RFX2: variants seen among roughly 807,000 people sequenced by gnomAD.
RFX2 encodes DNA-binding protein RFX2.
Under a neutral mutation model 87.8 loss-of-function variants are expected in RFX2, and 20 were observed. That is an observed-to-expected ratio of 0.23 (90% CI 0.16 to 0.33). RFX2 has a LOEUF of 0.33. Among genes scored for constraint, RFX2 ranks in the 10% least tolerant of loss-of-function variants. The pLI, the probability that RFX2 is intolerant of heterozygous loss-of-function variation, is 1.00. For synonymous variants in RFX2, 397 were observed against 431.3 expected, an observed-to-expected ratio of 0.92 and a Z score of 0.98; for missense variants, 767 against 1,012.3, an observed-to-expected ratio of 0.76 and a Z score of 3.29.
rs924711261 is a variant in RFX2, at chr19:5,994,060, T to G, written c.*775A>C. ...CTGCTGATAAAACTTCTGGTTTTGATTTTTTGAAAGACACTGCTGTGTCCT... is the reference window on the plus strand; with the variant it reads ...CTGCTGATAAAACTTCTGGTTTTGAGTTTTTGAAAGACACTGCTGTGTCCT... On this transcript the variant is annotated 3_prime_UTR_variant, in exon 18 of 18. Transcript: ENST00000303657. 2.0e-5 allele frequency: 3 copies of G among 152,262 alleles called. No homozygotes were observed. Among genetic ancestry groups the G allele is most frequent in the African/African-American group, 7.2e-5 (3 of 41,456 alleles). The allele number at this position is 152,262 out of a possible 1,614,324, so 9.4% of individuals were successfully genotyped here.
In RFX2 at chr19:6,080,730, T is replaced by A. The variant is rs151183552; in HGVS notation, c.-9+29663A>T. On this transcript the variant is annotated intron_variant, in intron 1 of 17. Transcript: ENST00000303657. ...CAGAGGCCCTGGACAAGGTCAGATG[T>A]CTGGAGTTTTAAAATTCCAATTGCT... Among the ~76,000 whole-genome samples the A allele has an allele frequency of 6.6e-5, 10 of 152,260 alleles. No individual in the cohort carries two copies. In the East Asian group the frequency reaches 1.7e-3, roughly 26 times the overall value.
intron 1 of RFX2, among the ~76,000 whole-genome samples, chr19:6,059,997 C>G (rs911677195): frequency 1.3e-5 from 2 of 152,166 alleles, no homozygotes; most frequent in Non-Finnish European, 2.9e-5. Context: ...CACACACATG[C>G]CTTTGGGAGA....
In RFX2 at chr19:6,010,210, C is replaced by A. The variant is rs1055802802; in HGVS notation, c.941G>T (p.Gly314Val). Residue 314 changes from glycine (G) to valine (V), a missense_variant, in exon 9 of 18, where the codon GGC becomes GTC. Physicochemically the swap from Gly to Val is moderately radical, Grantham distance 109 (BLOSUM62 -3). Coordinates refer to ENST00000303657, the MANE Select transcript of RFX2 (RefSeq NM_000635.4). This position sits in a 1 kb window ranked among gnomAD's most constrained non-coding sequence, Gnocchi z 5.0. Reference sequence around the variant, plus strand: ...AGTGCTGTGCAGGCCGCTGTGGGAGCCGCTGTCCCCGAGGCTGTCCGTCTT... The same window carrying A: ...AGTGCTGTGCAGGCCGCTGTGGGAGACGCTGTCCCCGAGGCTGTCCGTCTT... ...AQKTDSLGDS[G>V]SHSGLHSTPE... is the part of the protein sequence containing the mutation. 2.6e-6 allele frequency: 4 copies of A among 1,548,238 alleles called. No homozygotes were observed. Among genetic ancestry groups the A allele is most frequent in the Non-Finnish European group, 3.5e-6 (4 of 1,146,964 alleles).
chr19:6,079,524 G>C (rs2087745947), intron 1 of RFX2, among the ~76,000 whole-genome samples: 1 of 152,152 alleles, frequency 6.6e-6, no homozygotes. Flanking sequence ...GCTAAGAATG[G>C]GGCCAGGGTC....
intron 1 of RFX2, chr19:6,109,505 CA>C (rs1370921191): frequency 1.3e-5 from 2 of 152,284 alleles, no homozygotes; most frequent in African/African-American, 4.8e-5. Context: ...AAAAAGGTTC[CA>C]GGGGTGCCCC....
At chr19:6,099,564 G>T (rs922433794) in intron 1 of RFX2, among the ~76,000 whole-genome samples, 1 of 151,728 alleles carries the variant, frequency 6.6e-6, no homozygotes, top group African/African-American at 2.4e-5. Flanking sequence ...TGTAGGCCTT[G>T]CCGTCCTGAA....
In RFX2 at chr19:6,002,777, A is replaced by T. The variant is rs2086509890; in HGVS notation, c.1594T>A (p.Ser532Thr). The change falls in exon 14 of 18, where the codon TCC (serine) becomes ACC (threonine). Residue 532 changes from serine (S) to threonine (T), a missense_variant. Ser to Thr is a moderately conservative substitution (Grantham distance 58, BLOSUM62 1). Transcript: ENST00000303657. This position sits in a 1 kb window ranked among gnomAD's most constrained non-coding sequence, Gnocchi z 6.7. ...QAARAVLQNTSQINQMLSDLN... is the reference protein window; with the variant it reads ...QAARAVLQNTTQINQMLSDLN... Reference sequence around the variant, plus strand: ...TCGCTGAGCATCTGGTTGATCTGGGACGTGTTCTGCAGCACCGCCCGGGCC... The same window carrying T: ...TCGCTGAGCATCTGGTTGATCTGGGTCGTGTTCTGCAGCACCGCCCGGGCC... The T allele has an allele frequency of 2.5e-6, 4 of 1,613,860 alleles. No homozygotes were observed. The highest frequency in any genetic ancestry group is 3.4e-6 in the Non-Finnish European group (4 of 1,179,920).
chr19:6,006,686 A>G (rs1431785112), intron 12 of RFX2, among the ~76,000 whole-genome samples: 2 of 151,352 alleles, frequency 1.3e-5, no homozygotes. Flanking sequence ...CTGACCTCAA[A>G]TGATCTGCCC....
At chr19:6,080,095 GCA>G (rs1174949304) in intron 1 of RFX2, among the ~76,000 whole-genome samples, 1 of 151,946 alleles carries the variant, frequency 6.6e-6, no homozygotes, top group East Asian at 1.9e-4. Context: ...GCTGGAGAGT[GCA>G]GTGGCAAGAT....
At position 6,004,658 on chromosome 19, in the gene RFX2, A is replaced by C. The variant is rs1306680474; in HGVS notation, c.1403-360T>G. On this transcript the variant is annotated intron_variant, in intron 12 of 17. Transcript: ENST00000303657. The surrounding 1 kb of genome is among the most constrained non-coding windows in gnomAD (Gnocchi z 4.8). ...ACAGTGCCCAGGAGGGCCCCACCCC[A>C]GACAACGATCCAGCCCCAGATATCA... Among the ~76,000 whole-genome samples the C allele has an allele frequency of 6.6e-6, 1 of 152,182 alleles. No homozygotes were observed. Among genetic ancestry groups the C allele is most frequent in the African/African-American group, 2.4e-5 (1 of 41,452 alleles).
At chr19:6,107,890 T>C (rs2088244566) in intron 1 of RFX2, among the ~76,000 whole-genome samples, 1 of 152,180 alleles carries the variant, frequency 6.6e-6, no homozygotes, top group Non-Finnish European at 1.5e-5. Context: ...CATTATATTA[T>C]ATTGTTGTAT....
At chr19:6,008,004 G>C in intron 10 of RFX2, 102 bp downstream of exon 10, 4 of 913,810 alleles carry the variant, frequency 4.4e-6, no homozygotes, top group Non-Finnish European at 3.5e-6. Flanking sequence ...TGGGGGGCTC[G>C]GGGCTCCAGC....
intron 7 of RFX2, among the ~76,000 whole-genome samples, chr19:6,014,439 A>G (rs374484438): frequency 6.6e-6 from 1 of 152,002 alleles, no homozygotes; most frequent in Admixed American, 6.6e-5. Flanking sequence ...GGGATTCACC[A>G]TGTTGGCCAG....
chr19:6,099,507 G>A (rs1478703349), intron 1 of RFX2, among the ~76,000 whole-genome samples: 1 of 151,694 alleles, frequency 6.6e-6, no homozygotes, highest in Non-Finnish European at 1.5e-5. Flanking sequence ...TCAGGCACGG[G>A]CTGCGTGATT....
rs2144729467 is a variant in RFX2 at position 6,024,039 on chromosome 19, C to T, written c.597+2124G>A. On this transcript the variant is annotated intron_variant, in intron 6 of 17. Transcript: ENST00000303657. The surrounding 1 kb of genome is among the most constrained non-coding windows in gnomAD (Gnocchi z 5.0). ...AAGTGGTACACCCGCCTTGGTCTCC[C>T]AAACTGCTGGGATTACAGGCGTGAG... Among the ~76,000 whole-genome samples, 1 of 152,314 alleles carries T rather than the reference C, an allele frequency of 6.6e-6. No homozygotes were observed. Among genetic ancestry groups the T allele is most frequent in the East Asian group, 1.9e-4 (1 of 5,168 alleles).
At chr19:6,054,182 A>G (rs570183018) in intron 1 of RFX2, among the ~76,000 whole-genome samples, 59 of 152,254 alleles carry the variant, frequency 3.9e-4, no homozygotes, top group African/African-American at 1.4e-3. Flanking sequence ...AAAACACAAC[A>G]TAACAAAACT....
intron 1 of RFX2, chr19:6,076,887 C>A (rs1056794433): frequency 3.3e-5 from 5 of 152,162 alleles, no homozygotes; most frequent in Admixed American, 2.6e-4. Context: ...TCATTTTAAC[C>A]AAGTACTTAA....
intron 1 of RFX2, among the ~76,000 whole-genome samples, chr19:6,090,952 A>G (rs2087925237): frequency 6.6e-6 from 1 of 152,246 alleles, no homozygotes; most frequent in South Asian, 2.1e-4. Flanking sequence ...TCAGTCACGA[A>G]AAAGGTCACA....
At chr19:6,006,730 G>C (rs145849096) in intron 12 of RFX2, among the ~76,000 whole-genome samples, 18 of 150,782 alleles carry the variant, frequency 1.2e-4, no homozygotes, top group East Asian at 3.9e-4. Context: ...GATTACAGAC[G>C]TGAGCAACCT....
Sources: gnomAD v4.1 joint callset for allele counts (sites outside exome capture counted in the v4.1 genomes callset) on GRCh38, gnomAD v4.1.1 for gene constraint, Gnocchi (gnomAD v3.1) non-coding constraint, MANE v1.5 for transcripts, NCBI Gene and HGNC (gene_info 2026-07-23, HGNC 2026-07-21) for gene names.